Variants in IL1RAPL2 observed in about 807,000 individuals in gnomAD.
IL1RAPL2 encodes interleukin 1 receptor accessory protein like 2.
In IL1RAPL2, 3 loss-of-function variants were observed where a neutral mutation model predicts 44.1. That is an observed-to-expected ratio of 0.07 (90% CI 0.03 to 0.18). The LOEUF (loss-of-function observed/expected upper bound fraction) is 0.18, where lower values mean the gene tolerates loss of function less well. Ranked by LOEUF, IL1RAPL2 falls within the 10% of genes least tolerant of loss-of-function variation. The pLI is 1.00. For synonymous variants in IL1RAPL2, 181 were observed against 178.8 expected (o/e 1.01, Z -0.10); for missense variants, 391 against 496.4 (o/e 0.79, Z 2.02).
chrX:105,593,590 A>AT (rs974451796), intron 6 of IL1RAPL2, among the ~76,000 whole-genome samples: 77 of 108,371 alleles, frequency 7.1e-4, no homozygotes, highest in Non-Finnish European at 9.6e-4. Flanking sequence ...CTTTGGATGG[A>AT]TTTTTTTTTC....
chrX:105,355,953 T>C (rs976835436), intron 5 of IL1RAPL2, among the ~76,000 whole-genome samples: 3 of 111,195 alleles, frequency 2.7e-5, no homozygotes, highest in African/African-American at 9.8e-5. Flanking sequence ...GGACTAATAC[T>C]AGTATTGATT....
chrX:105,525,646 T>C (rs1033226649), intron 6 of IL1RAPL2, among the ~76,000 whole-genome samples: 2 of 111,510 alleles, frequency 1.8e-5, no homozygotes, highest in African/African-American at 6.5e-5. Context: ...ATATAAATGA[T>C]TGGCACAGAT....
chrX:104,724,593 G>A (rs1931751403), intron 2 of IL1RAPL2, among the ~76,000 whole-genome samples: 1 of 111,107 alleles, frequency 9.0e-6, no homozygotes, highest in African/African-American at 3.3e-5. Context: ...TAAACAAAAG[G>A]AATCCACATG....
chrX:104,959,211 GGTA>G (rs2029957874), intron 2 of IL1RAPL2, among the ~76,000 whole-genome samples: 1 of 111,429 alleles, frequency 9.0e-6, no homozygotes, highest in Non-Finnish European at 1.9e-5. Context: ...CCTTAAGAAG[GGTA>G]GTACATCAGA....
chrX:105,604,487 A>T (rs1161621047), intron 6 of IL1RAPL2, among the ~76,000 whole-genome samples: 6 of 110,261 alleles, frequency 5.4e-5, no homozygotes, highest in Non-Finnish European at 1.1e-4. Context: ...TAAAGAGCAA[A>T]AAGACCAAAT....
chrX:104,714,481 G>T (rs1301799167), intron 2 of IL1RAPL2, among the ~76,000 whole-genome samples: 1 of 110,578 alleles, frequency 9.0e-6, no homozygotes, highest in Non-Finnish European at 1.9e-5. Context: ...TCTTCCTTCG[G>T]CTCTCATTCC....
chrX:104,604,120 C>A (rs180952212), intron 1 of IL1RAPL2, among the ~76,000 whole-genome samples: 30 of 112,231 alleles, frequency 2.7e-4, no homozygotes, highest in African/African-American at 9.4e-4. Flanking sequence ...TGCAGAAACC[C>A]TACAAGCCAG....
chrX:104,674,708 C>T (rs1487754011), intron 2 of IL1RAPL2, among the ~76,000 whole-genome samples: 1 of 109,809 alleles, frequency 9.1e-6, no homozygotes, highest in Admixed American at 9.7e-5. Flanking sequence ...TAGAATTCGG[C>T]TGTGAATCCA....
intron 5 of IL1RAPL2, among the ~76,000 whole-genome samples, chrX:105,379,976 A>G (rs1363901424): frequency 9.0e-6 from 1 of 111,727 alleles, no homozygotes; most frequent in Non-Finnish European, 1.9e-5. Flanking sequence ...CCTGGGGGGC[A>G]TCTGTGAAGG....
At chrX:105,166,033 C>G (rs761550872) in intron 2 of IL1RAPL2, among the ~76,000 whole-genome samples, 2 of 111,634 alleles carry the variant, frequency 1.8e-5, no homozygotes, top group South Asian at 7.6e-4. Context: ...AGTAAAGTGG[C>G]CTTGGATGGG....
chrX:104,983,529 AATATTATATAATATTATATTATAGAC>A (rs2030492402), intron 2 of IL1RAPL2, among the ~76,000 whole-genome samples: 1 of 97,841 alleles, frequency 1.0e-5, no homozygotes, highest in African/African-American at 3.8e-5. Flanking sequence ...TTAGATACAT[AATATTATATAATATTATATTATAGAC>A]ATATTATATA....
At chrX:104,696,522 C>T (rs5917125) in intron 2 of IL1RAPL2, among the ~76,000 whole-genome samples, 19 of 110,824 alleles carry the variant, frequency 1.7e-4, no homozygotes, top group African/African-American at 6.2e-4. Flanking sequence ...CACTAGTTTG[C>T]GGGACAGATA....
intron 6 of IL1RAPL2, among the ~76,000 whole-genome samples, chrX:105,713,531 G>A (rs1413317526): frequency 9.0e-6 from 1 of 111,471 alleles, no homozygotes; most frequent in Non-Finnish European, 1.9e-5. Flanking sequence ...CTGCCTCCAT[G>A]ATCCAATCAT....
At chrX:105,099,617 A>C (rs1003811965) in intron 2 of IL1RAPL2, among the ~76,000 whole-genome samples, 2 of 105,992 alleles carry the variant, frequency 1.9e-5, no homozygotes, top group East Asian at 5.9e-4. Context: ...GGCGCCCGCC[A>C]CTACGCCTGG....
rs746294429 is a variant in IL1RAPL2, at chrX:104,805,407, G to A, written c.82+146412G>A. Among the ~76,000 whole-genome samples the A allele has an allele frequency of 1.4e-4, 16 of 111,957 alleles. No homozygotes were observed. In the South Asian group the frequency reaches 4.8e-3, roughly 34 times the overall value. ...CCTCTACCAGACTGAGACCTTCAAG[G>A]GTAGGGGCAATTTGATAGTAATTTA... On this transcript the variant is annotated intron_variant, in intron 2 of 10. Coordinates refer to ENST00000372582, the MANE Select transcript of IL1RAPL2 (RefSeq NM_017416.2).
At chrX:105,526,099 T>C (rs1277861726) in intron 6 of IL1RAPL2, among the ~76,000 whole-genome samples, 1 of 112,085 alleles carries the variant, frequency 8.9e-6, no homozygotes, top group Non-Finnish European at 1.9e-5. Flanking sequence ...ATCAACTCTA[T>C]CAGCAGCTGT....
chrX:105,669,883 T>A (rs2037802533), intron 6 of IL1RAPL2, among the ~76,000 whole-genome samples: 1 of 107,565 alleles, frequency 9.3e-6, no homozygotes, highest in African/African-American at 3.4e-5. Context: ...TTTACAGTGC[T>A]ACATTTTACA....
chrX:105,125,330 G>GA (rs986591274), intron 2 of IL1RAPL2, among the ~76,000 whole-genome samples: 2 of 110,183 alleles, frequency 1.8e-5, no homozygotes, highest in African/African-American at 6.6e-5. Flanking sequence ...CTTATACCTT[G>GA]AAAAAAACTT....
chrX:104,840,862 G>A (rs1243381734), intron 2 of IL1RAPL2, among the ~76,000 whole-genome samples: 1 of 106,393 alleles, frequency 9.4e-6, no homozygotes, highest in Admixed American at 1.0e-4. Context: ...TTTTTTTTTT[G>A]TATTTTTAGT....
Sources: gnomAD v4.1 joint callset for allele counts (sites outside exome capture counted in the v4.1 genomes callset) on GRCh38, gnomAD v4.1.1 for gene constraint, MANE v1.5 for transcripts, NCBI Gene and HGNC (gene_info 2026-07-23, HGNC 2026-07-21) for gene names.